Variants in MBNL2 observed in about 807,000 individuals in gnomAD.
The protein encoded by MBNL2 is muscleblind-like protein 2.
Under a neutral mutation model 41.9 loss-of-function variants are expected in MBNL2, and 17 were observed. That is an observed-to-expected ratio of 0.41 (90% CI 0.28 to 0.61). The LOEUF (loss-of-function observed/expected upper bound fraction) is 0.61. MBNL2 is among the 20% of genes least tolerant of loss of function. The pLI is 0.35. For missense variants in MBNL2, 336 were observed against 505.6 expected, an observed-to-expected ratio of 0.66 and a Z score of 3.22; for synonymous variants, 195 against 182.9, an observed-to-expected ratio of 1.07 and a Z score of -0.53.
At chr13:97,152,637 A>T in the MBNL2 span, among the ~76,000 whole-genome samples, 1 of 152,312 alleles carries the variant, frequency 6.6e-6, no homozygotes, top group Admixed American at 6.5e-5. Flanking sequence ...CTACCTTCAA[A>T]ATTCTTAGGG....
the MBNL2 span, among the ~76,000 whole-genome samples, chr13:97,196,166 A>G: frequency 3.3e-5 from 5 of 152,198 alleles, no homozygotes; most frequent in Non-Finnish European, 7.4e-5. Flanking sequence ...AGAAAACCGT[A>G]AAGGCTGAGA....
chr13:97,187,906 C>CAA, the MBNL2 span, among the ~76,000 whole-genome samples: 2,469 of 121,660 alleles, frequency 0.02, 39 homozygotes, highest in African/African-American at 0.044. Flanking sequence ...GACTTCGTCT[C>CAA]AAAAAAAAAA....
the MBNL2 span, among the ~76,000 whole-genome samples, chr13:97,199,723 A>G: frequency 1.3e-5 from 2 of 152,212 alleles, no homozygotes; most frequent in African/African-American, 2.4e-5. Flanking sequence ...TGTCAGATGT[A>G]CCTATATCCA....
At chr13:97,164,127 C>T in the MBNL2 span, among the ~76,000 whole-genome samples, 5 of 152,330 alleles carry the variant, frequency 3.3e-5, no homozygotes, top group African/African-American at 1.2e-4. Context: ...CCACCTCAGC[C>T]TCTCAAGTAG....
chr13:97,319,321 A>G (rs9516907), intron 2 of MBNL2, among the ~76,000 whole-genome samples: 93,807 of 151,948 alleles, frequency 0.62, 31,509 homozygotes, highest in African/African-American at 0.9. Context: ...TTGAGGATTG[A>G]TTCTGGGGAC....
At chr13:97,299,260 T>G (rs947065583) in intron 2 of MBNL2, among the ~76,000 whole-genome samples, 3 of 152,166 alleles carry the variant, frequency 2.0e-5, no homozygotes, top group Non-Finnish European at 4.4e-5. Context: ...ATTTAAAGTT[T>G]TCTAACATTG....
upstream of MBNL2, among the ~76,000 whole-genome samples, chr13:97,217,029 CATAAT>C (rs946908408): frequency 8.3e-5 from 12 of 144,194 alleles, no homozygotes; most frequent in East Asian, 2.0e-4. Flanking sequence ...ATACATATAA[CATAAT>C]ATACACATAA....
chr13:97,234,304 C>G (rs2042902298), intron 1 of MBNL2, among the ~76,000 whole-genome samples: 1 of 152,104 alleles, frequency 6.6e-6, no homozygotes, highest in Non-Finnish European at 1.5e-5. Context: ...TGTCAGAATT[C>G]CTCTGACAGG....
In MBNL2 at chr13:97,320,839, C is replaced by T. The variant is rs573395709; in HGVS notation, c.175-13437C>T. Among the ~76,000 whole-genome samples the T allele has an allele frequency of 2.3e-4, 35 of 152,070 alleles. No individual in the cohort carries two copies. In the South Asian group the frequency reaches 4.4e-3, roughly 19 times the overall value. On this transcript the variant is annotated intron_variant, in intron 2 of 8. Transcript: ENST00000679496. Reference sequence around the variant, plus strand: ...CTGAGGCAGGAGAATCGCTTGAACCCGGGAGGCGGAGGTTGCAGTGAGCCG... The same window carrying T: ...CTGAGGCAGGAGAATCGCTTGAACCTGGGAGGCGGAGGTTGCAGTGAGCCG...
chr13:97,370,662 T>G (rs1223040630), intron 8 of MBNL2, among the ~76,000 whole-genome samples: 2 of 125,554 alleles, frequency 1.6e-5, no homozygotes, highest in African/African-American at 6.5e-5. Context: ...AGAGGGAAAC[T>G]CCGTCAAAAA....
intron 1 of MBNL2, among the ~76,000 whole-genome samples, chr13:97,267,932 T>A (rs1177304031): frequency 1.3e-5 from 2 of 152,192 alleles, no homozygotes; most frequent in Non-Finnish European, 2.9e-5. Context: ...AAGGAATGCT[T>A]CCGACAGGGG....
the MBNL2 span, among the ~76,000 whole-genome samples, chr13:97,176,056 AAG>A: frequency 6.6e-6 from 1 of 152,154 alleles, no homozygotes; most frequent in Non-Finnish European, 1.5e-5. Flanking sequence ...GCCATGCTGG[AAG>A]AATCTGTAGA....
At chr13:97,185,665 G>A in the MBNL2 span, among the ~76,000 whole-genome samples, 1 of 152,202 alleles carries the variant, frequency 6.6e-6, no homozygotes, top group African/African-American at 2.4e-5. Flanking sequence ...AGTTGGAAAC[G>A]ACAAAGAGAT....
chr13:97,290,192 GC>G (rs2055543015), intron 2 of MBNL2, among the ~76,000 whole-genome samples: 1 of 152,132 alleles, frequency 6.6e-6, no homozygotes, highest in East Asian at 1.9e-4. Context: ...TTACTCTTTA[GC>G]AAAAGTAAAC....
chr13:97,186,855 G>A, the MBNL2 span, among the ~76,000 whole-genome samples: 1 of 152,158 alleles, frequency 6.6e-6, no homozygotes, highest in African/African-American at 2.4e-5. Flanking sequence ...AAAAGGGGGT[G>A]GAAAGGGTGG....
At chr13:97,323,197 C>A (rs1306328544) in intron 2 of MBNL2, among the ~76,000 whole-genome samples, 1 of 152,108 alleles carries the variant, frequency 6.6e-6, no homozygotes, top group Non-Finnish European at 1.5e-5. Flanking sequence ...AGGTGATTCA[C>A]CATATAGTAT....
chr13:97,311,650 T>G (rs188750665), intron 2 of MBNL2, among the ~76,000 whole-genome samples: 97 of 64,812 alleles, frequency 1.5e-3, no homozygotes, highest in Middle Eastern at 9.4e-3. Context: ...TTAGAGGGGA[T>G]TTTTTTTCTT....
chr13:97,165,070 G>A, the MBNL2 span, among the ~76,000 whole-genome samples: 34 of 152,230 alleles, frequency 2.2e-4, no homozygotes, highest in Admixed American at 4.6e-4. Context: ...CAGGCATGGT[G>A]GTGATCACCT....
chr13:97,298,830 A>C (rs1388805772), intron 2 of MBNL2, among the ~76,000 whole-genome samples: 1 of 152,196 alleles, frequency 6.6e-6, no homozygotes, highest in Non-Finnish European at 1.5e-5. Flanking sequence ...AATACACGGC[A>C]TTAAGGATTG....
Sources: allele counts gnomAD v4.1 joint callset (sites outside exome capture counted in the v4.1 genomes callset), GRCh38; gene constraint gnomAD v4.1.1; transcripts MANE v1.5; gene names NCBI Gene and HGNC (gene_info 2026-07-23, HGNC 2026-07-21).